PDE1A: variants seen among roughly 807,000 people sequenced by gnomAD.
The protein encoded by PDE1A is dual specificity calcium/calmodulin-dependent 3',5'-cyclic nucleotide phosphodiesterase 1A.
A neutral mutation model predicts 61.7 loss-of-function variants in PDE1A; 35 were observed. The ratio of observed to expected loss-of-function variants is 0.57; its 90% CI spans 0.43 to 0.75. The LOEUF (loss-of-function observed/expected upper bound fraction) is 0.75. PDE1A is among the 30% of genes least tolerant of loss of function. PDE1A has a pLI of 0.00. For missense variants in PDE1A, 597 were observed against 630.6 expected (o/e 0.95, Z 0.57); for synonymous variants, 232 against 213.2 (o/e 1.09, Z -0.77).
intron 7 of PDE1A, among the ~76,000 whole-genome samples, chr2:182,213,782 C>T (rs1287595516): frequency 1.5e-5 from 1 of 67,788 alleles, no homozygotes; most frequent in African/African-American, 5.3e-5. Context: ...AAGACCAAAT[C>T]TACGTCTGAT....
At chr2:182,608,342 G>A in the PDE1A span, among the ~76,000 whole-genome samples, 1 of 152,200 alleles carries the variant, frequency 6.6e-6, no homozygotes. Context: ...GCTCGCTCTC[G>A]GCGCCTCCTC....
intron 1 of PDE1A, among the ~76,000 whole-genome samples, chr2:182,304,453 C>T (rs1004062300): frequency 4.6e-5 from 7 of 152,306 alleles, no homozygotes; most frequent in Middle Eastern, 3.4e-3. Context: ...AAGAACTTTT[C>T]CTTTGCATTC....
chr2:182,181,792 A>G (rs1188413847), intron 13 of PDE1A, among the ~76,000 whole-genome samples: 15 of 152,106 alleles, frequency 9.9e-5, no homozygotes. Context: ...GAATCTAGAG[A>G]AGCAGTCTGG....
chr2:182,258,179 GAAAAGAAA>G (rs1267370410), intron 2 of PDE1A, among the ~76,000 whole-genome samples: 2 of 150,868 alleles, frequency 1.3e-5, no homozygotes, highest in Non-Finnish European at 3.0e-5. Context: ...AAAAAAAAAA[GAAAAGAAA>G]AAAAGAAAAA....
At chr2:182,299,399 G>C (rs552948469) in intron 1 of PDE1A, among the ~76,000 whole-genome samples, 4 of 149,280 alleles carry the variant, frequency 2.7e-5, no homozygotes, top group Non-Finnish European at 5.9e-5. Context: ...AGGAAAGACC[G>C]AGTACAAGTC....
chr2:182,485,346 A>C (rs996453155), intron 2 of PDE1A, among the ~76,000 whole-genome samples: 43 of 152,152 alleles, frequency 2.8e-4, no homozygotes, highest in Non-Finnish European at 1.9e-4. Flanking sequence ...AGGAAACAAC[A>C]GACACTGGGG....
intron 2 of PDE1A, among the ~76,000 whole-genome samples, chr2:182,516,702 G>GAAGAAGGAAGGAAGGA (rs1690180627): frequency 8.6e-6 from 1 of 116,764 alleles, no homozygotes; most frequent in East Asian, 2.4e-4. Flanking sequence ...GGGAGGAAGG[G>GAAGAAGGAAGGAAGGA]AGGAAGGAAG....
intron 1 of PDE1A, among the ~76,000 whole-genome samples, chr2:182,342,618 G>T (rs1421381782): frequency 6.6e-6 from 1 of 152,220 alleles, no homozygotes; most frequent in African/African-American, 2.4e-5. Context: ...GGGAGGTGGA[G>T]GTTGCAGTGA....
chr2:182,685,579 C>T, the PDE1A span, among the ~76,000 whole-genome samples: 1 of 152,156 alleles, frequency 6.6e-6, no homozygotes, highest in African/African-American at 2.4e-5. Flanking sequence ...TGTGAACAAT[C>T]AGTGCTTGCT....
the PDE1A span, among the ~76,000 whole-genome samples, chr2:182,582,970 T>G: frequency 6.6e-6 from 1 of 152,178 alleles, no homozygotes. Flanking sequence ...GGTTCCTTTT[T>G]GCGCTTGAAC....
At chr2:182,321,021 G>A (rs763316485) in intron 1 of PDE1A, among the ~76,000 whole-genome samples, 7 of 152,118 alleles carry the variant, frequency 4.6e-5, no homozygotes, top group South Asian at 2.1e-4. Flanking sequence ...CATGCAATAG[G>A]TTCTAATAAA....
At chr2:182,431,851 C>T (rs1013016183), upstream of PDE1A, among the ~76,000 whole-genome samples, 1 of 152,078 alleles carries the variant, frequency 6.6e-6, no homozygotes, top group African/African-American at 2.4e-5. Context: ...CAACTTACCA[C>T]TCCAGAGAGT....
intron 1 of PDE1A, among the ~76,000 whole-genome samples, chr2:182,413,748 C>A: frequency 6.6e-6 from 1 of 152,264 alleles, no homozygotes; most frequent in South Asian, 2.1e-4. Flanking sequence ...AATATTTACA[C>A]TTAACATAAA....
chr2:182,583,939 G>T, the PDE1A span, among the ~76,000 whole-genome samples: 2 of 152,130 alleles, frequency 1.3e-5, no homozygotes, highest in African/African-American at 2.4e-5. Flanking sequence ...AACAAGAATT[G>T]GGTCACAATT....
intron 7 of PDE1A, 105 bp from the exon 8 acceptor site, chr2:182,206,170 TA>T: frequency 6.5e-6 from 5 of 774,786 alleles, no homozygotes; most frequent in Non-Finnish European, 9.8e-6. Flanking sequence ...AAACATCCTA[TA>T]ATTGAACAGT....
the PDE1A span, among the ~76,000 whole-genome samples, chr2:182,627,321 T>A: frequency 4.8e-5 from 2 of 41,736 alleles, no homozygotes; most frequent in Non-Finnish European, 5.6e-5. Flanking sequence ...ATATATATAT[T>A]ATATATATAA....
At chr2:182,711,113 G>T in the PDE1A span, among the ~76,000 whole-genome samples, 2 of 152,186 alleles carry the variant, frequency 1.3e-5, no homozygotes, top group Non-Finnish European at 2.9e-5. Flanking sequence ...CAGTGAGGGT[G>T]AGTCACTGTG....
the PDE1A span, among the ~76,000 whole-genome samples, chr2:182,611,628 A>C: frequency 6.6e-6 from 1 of 152,220 alleles, no homozygotes; most frequent in Non-Finnish European, 1.5e-5. Flanking sequence ...ATAATCCCAG[A>C]AAAACTGTCT....
At chr2:182,595,065 T>C in the PDE1A span, among the ~76,000 whole-genome samples, 11 of 152,200 alleles carry the variant, frequency 7.2e-5, no homozygotes, top group African/African-American at 9.7e-5. Context: ...TGTTACTTTT[T>C]TTCTTCTAGA....
Sources: allele counts gnomAD v4.1 joint callset (sites outside exome capture counted in the v4.1 genomes callset), GRCh38; gene constraint gnomAD v4.1.1; transcripts MANE v1.5; gene names NCBI Gene and HGNC (gene_info 2026-07-23, HGNC 2026-07-21).